The following BAG4 variants were observed in gnomAD, a reference collection of about 807,000 sequenced individuals.
The protein encoded by BAG4 is BAG cochaperone 4.
A neutral mutation model predicts 52.1 loss-of-function variants in BAG4; 28 were observed. The observed-to-expected ratio is 0.54, with a 90% confidence interval of 0.40 to 0.74. The LOEUF is 0.74. Ranked by LOEUF, BAG4 falls within the 30% of genes least tolerant of loss-of-function variation. The probability of loss-of-function intolerance (pLI) is 0.00; values close to 1 mark genes in which losing one functional copy is unlikely to be tolerated. For synonymous variants in BAG4, 208 were observed against 217.0 expected, an observed-to-expected ratio of 0.96 and a Z score of 0.37; for missense variants, 525 against 572.0, an observed-to-expected ratio of 0.92 and a Z score of 0.84.
At position 38,210,717 on chromosome 8, in the gene BAG4, A is replaced by G. The variant is rs905823870; in HGVS notation, c.*224A>G. On this transcript the variant is annotated 3_prime_UTR_variant, in exon 5 of 5. Transcript: ENST00000287322. ...GAATGTAATAGGAAACTATGGAGTT[A>G]CCAATATTGCCAAGTAGACTCACTC... 2 of 483,626 alleles carry G rather than the reference A, an allele frequency of 4.1e-6. No homozygotes were observed. The highest frequency in any genetic ancestry group is 2.0e-5 in the African/African-American group (1 of 49,606). 30.0% of individuals were successfully genotyped at this position (483,626 alleles called of 1,614,324 possible). A position where few individuals can be genotyped will look rare whatever the true frequency, so the allele number is the denominator to read the frequency against.
chr8:38,201,759 T>C (rs1309484133), intron 2 of BAG4: 1 of 147,712 alleles, frequency 6.8e-6, no homozygotes, highest in African/African-American at 2.5e-5. Context: ...TTATAAATCT[T>C]AAAAATTCTC....
intron 2 of BAG4, among the ~76,000 whole-genome samples, chr8:38,205,202 ATTTTTTT>A (rs35284937): frequency 1.0e-4 from 8 of 79,316 alleles, no homozygotes; most frequent in East Asian, 8.9e-4. Flanking sequence ...CAGCTAATTA[ATTTTTTT>A]TTTTTTTTTT....
In BAG4 at chr8:38,210,562, C is replaced by G; in HGVS notation, c.*69C>G. The stretch of plus-strand genomic sequence containing the variant: ...AGAACACTTGATTTGGTTAATTACC[C>G]TCTTTTTGAAATGCCTGTTGATGAC... On this transcript the variant is annotated 3_prime_UTR_variant, in exon 5 of 5. Transcript: ENST00000287322. 2 of 1,491,364 alleles carry G rather than the reference C, an allele frequency of 1.3e-6. No homozygotes were observed. Among genetic ancestry groups the G allele is most frequent in the Non-Finnish European group, 1.8e-6 (2 of 1,119,330 alleles). 92.4% of individuals were successfully genotyped at this position (1,491,364 alleles called of 1,614,324 possible).
chr8:38,200,604 CTTT>C (rs1273079032), intron 2 of BAG4, among the ~76,000 whole-genome samples: 1 of 144,848 alleles, frequency 6.9e-6, no homozygotes, highest in Admixed American at 6.9e-5. Flanking sequence ...TTCTTTTTTT[CTTT>C]TTTTTTTTGA....
intron 2 of BAG4, among the ~76,000 whole-genome samples, chr8:38,198,207 ACCCCGTCTCTG>A (rs944158648): frequency 6.8e-6 from 1 of 147,304 alleles, no homozygotes; most frequent in Admixed American, 6.8e-5. Flanking sequence ...ATATGGTGAA[ACCCCGTCTCTG>A]CTAAAAATAC....
intron 2 of BAG4, among the ~76,000 whole-genome samples, chr8:38,198,654 A>G (rs1803609262): frequency 6.6e-6 from 1 of 151,292 alleles, no homozygotes; most frequent in African/African-American, 2.4e-5. Context: ...ACGCCCGGCT[A>G]ATTTTTTGTA....
At chr8:38,206,346 C>T (rs1404283579) in intron 2 of BAG4, among the ~76,000 whole-genome samples, 1 of 150,882 alleles carries the variant, frequency 6.6e-6, no homozygotes, top group African/African-American at 2.4e-5. Context: ...TGAGCCTGTG[C>T]GCCTGCCTAG....
chr8:38,190,243 C>T (rs781160992), intron 1 of BAG4, among the ~76,000 whole-genome samples: 12 of 152,064 alleles, frequency 7.9e-5, no homozygotes, highest in Non-Finnish European at 1.5e-4. Flanking sequence ...TTCTATTCTA[C>T]AATACACACA....
At chr8:38,205,388 T>C (rs915165237) in intron 2 of BAG4, among the ~76,000 whole-genome samples, 2 of 152,070 alleles carry the variant, frequency 1.3e-5, no homozygotes, top group African/African-American at 4.8e-5. Flanking sequence ...TACAATTTTT[T>C]CAATGAATAG....
Position 38,176,890 on chromosome 8 carries a change from G to A in BAG4, c.21G>A (p.Ser7=). The A allele has an allele frequency of 6.5e-7, 1 of 1,541,040 alleles. No homozygotes were observed. Among genetic ancestry groups the A allele is most frequent in the Non-Finnish European group, 8.8e-7 (1 of 1,142,322 alleles). MSALRR[S]GYGPSDGPSY... ...ATCCCATGTCGGCCCTGAGGCGCTC[G>A]GGCTACGGCCCCAGTGACGGTCCGT... The change falls in exon 1 of 5, where the codon TCG becomes TCA. Residue 7 remains serine (S), a synonymous_variant. Transcript: ENST00000287322.
intron 4 of BAG4, 158 bp downstream of exon 4, chr8:38,209,425 CT>C (rs1016426722): frequency 5.0e-5 from 46 of 922,244 alleles, no homozygotes; most frequent in South Asian, 6.6e-5. Flanking sequence ...TTTCCTTTTT[CT>C]TTTTTTTAAT....
At chr8:38,183,901 GAC>G (rs1410547818) in intron 1 of BAG4, among the ~76,000 whole-genome samples, 1 of 152,142 alleles carries the variant, frequency 6.6e-6, no homozygotes, top group African/African-American at 2.4e-5. Flanking sequence ...TTTGTCCCAA[GAC>G]ACATAATCAG....
intron 2 of BAG4, among the ~76,000 whole-genome samples, chr8:38,198,402 T>C (rs1431985022): frequency 6.8e-6 from 1 of 146,846 alleles, no homozygotes. Flanking sequence ...AAAAAAAAAG[T>C]TTTCTTTCTT....
rs1359735542 is a variant in BAG4 at position 38,210,842 on chromosome 8, A to G, written c.*349A>G. On this transcript the variant is annotated 3_prime_UTR_variant, in exon 5 of 5. Coordinates refer to ENST00000287322, the MANE Select transcript of BAG4 (RefSeq NM_004874.4). ...TCAGAAACCTACCAGATGAAACTGG[A>G]TATAATCTGAGACAAACAGGATGTG... The G allele has an allele frequency of 5.7e-6, 1 of 175,774 alleles. No homozygotes were observed. Among genetic ancestry groups the G allele is most frequent in the Non-Finnish European group, 1.2e-5 (1 of 83,168 alleles). 10.9% of individuals were successfully genotyped at this position (175,774 alleles called of 1,614,324 possible).
chr8:38,188,760 A>G (rs368768813), intron 1 of BAG4, among the ~76,000 whole-genome samples: 8 of 151,200 alleles, frequency 5.3e-5, no homozygotes, highest in South Asian at 2.1e-4. Flanking sequence ...TGGAGTGGCT[A>G]CTTTAATATC....
intron 3 of BAG4, among the ~76,000 whole-genome samples, chr8:38,208,359 G>C (rs1465087941): frequency 7.0e-6 from 1 of 142,764 alleles, no homozygotes; most frequent in South Asian, 2.3e-4. Flanking sequence ...GCCCAGGCTG[G>C]AGTGCAGTGG....
At chr8:38,190,849 C>T (rs1310557854) in intron 1 of BAG4, among the ~76,000 whole-genome samples, 2 of 151,218 alleles carry the variant, frequency 1.3e-5, no homozygotes, top group Non-Finnish European at 2.9e-5. Flanking sequence ...CTTCTGTCTC[C>T]TGGGTTCAAG....
At chr8:38,177,309 CT>C (rs1376600296) in intron 1 of BAG4, among the ~76,000 whole-genome samples, 170 bp downstream of exon 1, 3 of 152,140 alleles carry the variant, frequency 2.0e-5, no homozygotes, top group African/African-American at 7.2e-5. Flanking sequence ...CTTGTGTTCC[CT>C]TTGCCCCTCC....
At chr8:38,191,788 A>T (rs1315730080) in intron 1 of BAG4, among the ~76,000 whole-genome samples, 2 of 151,728 alleles carry the variant, frequency 1.3e-5, no homozygotes, top group Non-Finnish European at 2.9e-5. Flanking sequence ...AAAAACCCTA[A>T]ATCTATACAG....
Sources: allele counts gnomAD v4.1 joint callset (sites outside exome capture counted in the v4.1 genomes callset), GRCh38; gene constraint gnomAD v4.1.1; transcripts MANE v1.5; gene names NCBI Gene and HGNC (gene_info 2026-07-23, HGNC 2026-07-21).